Variants in DDAH1 observed in about 807,000 individuals in gnomAD.
DDAH1 encodes N(G),N(G)-dimethylarginine dimethylaminohydrolase 1.
DDAH1 carries 19 observed loss-of-function variants against 28.8 expected under a neutral mutation model. The ratio of observed to expected loss-of-function variants is 0.66; its 90% CI spans 0.46 to 0.97. The LOEUF is 0.97. Ranked by LOEUF, DDAH1 falls within the 50% of genes least tolerant of loss-of-function variation. The probability of loss-of-function intolerance (pLI) is 0.00; values close to 1 mark genes in which losing one functional copy is unlikely to be tolerated. For missense variants in DDAH1, 326 were observed against 375.9 expected, an observed-to-expected ratio of 0.87 and a Z score of 1.10; for synonymous variants, 153 against 154.4, an observed-to-expected ratio of 0.99 and a Z score of 0.07.
intron 4 of DDAH1, among the ~76,000 whole-genome samples, chr1:85,334,313 T>G (rs1009894085): frequency 2.6e-5 from 4 of 152,140 alleles, no homozygotes; most frequent in Non-Finnish European, 5.9e-5. Context: ...CCTCTTTCCT[T>G]TATAAATTAC....
chr1:85,351,714 T>A, intron 2 of DDAH1, 135 bp from the exon 3 acceptor site: 4 of 629,044 alleles, frequency 6.4e-6, no homozygotes, highest in Admixed American at 3.1e-5. Flanking sequence ...CTAAAGAGAC[T>A]ACAAAAAATG....
chr1:85,406,487 A>G (rs955874683), intron 1 of DDAH1, among the ~76,000 whole-genome samples: 2 of 152,216 alleles, frequency 1.3e-5, no homozygotes, highest in African/African-American at 4.8e-5. Flanking sequence ...AAGTCCAAAG[A>G]GAAAAGAAAT....
At chr1:85,425,960 T>C (rs1468570556) in intron 1 of DDAH1, among the ~76,000 whole-genome samples, 1 of 152,190 alleles carries the variant, frequency 6.6e-6, no homozygotes, top group East Asian at 1.9e-4. Context: ...ACCGGGGATA[T>C]ACATTTACAA....
At chr1:85,377,733 G>C (rs889673044) in intron 1 of DDAH1, among the ~76,000 whole-genome samples, 4 of 131,564 alleles carry the variant, frequency 3.0e-5, no homozygotes, top group African/African-American at 9.0e-5. Context: ...CATACAAGTA[G>C]ACACACACAC....
intron 1 of DDAH1, among the ~76,000 whole-genome samples, chr1:85,453,112 T>C (rs1557648179): frequency 6.6e-6 from 1 of 152,316 alleles, no homozygotes; most frequent in Admixed American, 6.5e-5. Context: ...TAAATCATAA[T>C]TGAGCCCTCA....
chr1:85,570,373 C>CACACAA (rs1258331530), intron 1 of DDAH1, among the ~76,000 whole-genome samples: 2 of 149,496 alleles, frequency 1.3e-5, no homozygotes, highest in African/African-American at 2.5e-5. Flanking sequence ...GTCACACACA[C>CACACAA]ACACACACAC....
chr1:85,479,425 G>A (rs1157690400), intron 2 of DDAH1, among the ~76,000 whole-genome samples: 2 of 151,306 alleles, frequency 1.3e-5, no homozygotes, highest in Admixed American at 6.6e-5. Context: ...CACCCGCCTC[G>A]GCCTCCCAAA....
At chr1:85,556,095 T>TCTC (rs1483784809) in intron 1 of DDAH1, among the ~76,000 whole-genome samples, 3 of 149,980 alleles carry the variant, frequency 2.0e-5, no homozygotes, top group Non-Finnish European at 4.5e-5. Context: ...TCCTCCTCCT[T>TCTC]CTCCTCCTCC....
intron 1 of DDAH1, among the ~76,000 whole-genome samples, chr1:85,542,141 C>T (rs1006280344): frequency 6.6e-6 from 1 of 152,082 alleles, no homozygotes; most frequent in Admixed American, 6.6e-5. Context: ...TAATAAATGG[C>T]AGAGGTTGGA....
At chr1:85,443,921 C>T (rs920886255) in intron 1 of DDAH1, among the ~76,000 whole-genome samples, 7 of 152,260 alleles carry the variant, frequency 4.6e-5, no homozygotes, top group Admixed American at 2.0e-4. Context: ...TGGGCTGAGA[C>T]GACGGGGTTT....
rs149980748 is a variant in DDAH1 at position 85,564,065 on chromosome 1, G to A, written c.-123+13919C>T. Among the ~76,000 whole-genome samples, 1,114 of 152,230 alleles carry A rather than the reference G, an allele frequency of 7.3e-3. 14 individuals carry two copies. Among genetic ancestry groups the A allele is most frequent in the African/African-American group, 0.025 (1,055 of 41,520 alleles). On this transcript the variant is annotated intron_variant, in intron 1 of 6. Transcript: ENST00000426972. ...TATGCACCTGTAGTCCCAGCTACTC[G>A]GGAGGCTGAGGCAGGGGAACCGCTT...
chr1:85,554,901 A>G (rs918821895), intron 1 of DDAH1, among the ~76,000 whole-genome samples: 2 of 152,240 alleles, frequency 1.3e-5, no homozygotes, highest in African/African-American at 4.8e-5. Context: ...ACATGTTAAT[A>G]AGTCTATTAA....
intron 1 of DDAH1, among the ~76,000 whole-genome samples, chr1:85,403,609 T>G (rs888896050): frequency 2.4e-4 from 37 of 152,212 alleles, no homozygotes; most frequent in African/African-American, 8.7e-4. Flanking sequence ...CGCTGAACAT[T>G]TCTGAACAAA....
chr1:85,423,505 TC>T (rs1484705151), intron 1 of DDAH1, among the ~76,000 whole-genome samples: 1 of 152,056 alleles, frequency 6.6e-6, no homozygotes, highest in Non-Finnish European at 1.5e-5. Context: ...CCCTTCCTTT[TC>T]CCCCCTTGCT....
rs146735204 is a variant in DDAH1, at chr1:85,330,484, A to G, written c.598-5601T>C. On this transcript the variant is annotated intron_variant, in intron 4 of 5. Transcript: ENST00000284031. ...ATGTAGTGTTTTTCCAACCCCAGGG[A>G]CTGTACTTCCTGCTTCTCACTGTGT... 2.9e-3 allele frequency among the ~76,000 whole-genome samples: 439 copies of G among 152,250 alleles called. 1 individual carries two copies. Among genetic ancestry groups the G allele is most frequent in the Non-Finnish European group, 3.8e-3 (259 of 68,018 alleles).
chr1:85,467,809 T>C (rs1363558506), upstream of DDAH1: 1 of 152,210 alleles, frequency 6.6e-6, no homozygotes, highest in Non-Finnish European at 1.5e-5. Context: ...TGTTATGCAC[T>C]TCAGAGTCAC....
intron 1 of DDAH1, among the ~76,000 whole-genome samples, chr1:85,389,192 T>A (rs558759297): frequency 2.0e-4 from 30 of 151,858 alleles, no homozygotes; most frequent in African/African-American, 7.2e-4. Flanking sequence ...AAATGAAAAT[T>A]AAATGCACTC....
chr1:85,523,668 T>C (rs1261518311), intron 1 of DDAH1, among the ~76,000 whole-genome samples: 7 of 152,056 alleles, frequency 4.6e-5, no homozygotes, highest in Non-Finnish European at 7.4e-5. Flanking sequence ...TGAGTGAGTG[T>C]GTGAAAGAGC....
intron 4 of DDAH1, among the ~76,000 whole-genome samples, chr1:85,334,301 A>G (rs1345078300): frequency 2.0e-5 from 3 of 152,206 alleles, no homozygotes; most frequent in Non-Finnish European, 4.4e-5. Context: ...AAGTCAATTA[A>G]ACCTCTTTCC....
Sources: allele counts gnomAD v4.1 joint callset (sites outside exome capture counted in the v4.1 genomes callset), GRCh38; gene constraint gnomAD v4.1.1; transcripts MANE v1.5; gene names NCBI Gene and HGNC (gene_info 2026-07-23, HGNC 2026-07-21).